The following SLC12A6 variants were observed in gnomAD, a reference collection of about 807,000 sequenced individuals.
The protein encoded by SLC12A6 is K-Cl cotransporter 3.
In SLC12A6, 66 loss-of-function variants were observed where a neutral mutation model predicts 135.3. The observed-to-expected ratio is 0.49, with a 90% CI of 0.40 to 0.60. The LOEUF is 0.60. Among genes scored for constraint, SLC12A6 ranks in the 20% least tolerant of loss-of-function variants. SLC12A6 has a pLI of 0.00. For synonymous variants in SLC12A6, 513 were observed against 508.8 expected (o/e 1.01, Z -0.11); for missense variants, 1,058 against 1,452.3 (o/e 0.73, Z 4.41).
intron 22 of SLC12A6, chr15:34,237,036 CAT>C: frequency 1.1e-5 from 6 of 549,062 alleles, no homozygotes; most frequent in Non-Finnish European, 2.0e-5. Context: ...CTAACCAAGA[CAT>C]GTGTTGCCTT....
intron 20 of SLC12A6, 165 bp downstream of exon 20, chr15:34,238,800 G>C (rs1891448577): frequency 1.3e-6 from 1 of 742,112 alleles, no homozygotes; most frequent in East Asian, 2.4e-5. Flanking sequence ...AAGCTGAAGG[G>C]GGTAGGTAGA....
chr15:34,262,735 A>G (rs879339779), intron 3 of SLC12A6, among the ~76,000 whole-genome samples: 12 of 152,276 alleles, frequency 7.9e-5, no homozygotes, highest in South Asian at 4.1e-4. Flanking sequence ...TCAGTGTGAC[A>G]TGCCTGGTCC....
At chr15:34,234,868 G>T (rs558866726) in intron 25 of SLC12A6, among the ~76,000 whole-genome samples, 1 of 152,286 alleles carries the variant, frequency 6.6e-6, no homozygotes, top group Admixed American at 6.5e-5. Flanking sequence ...TGCAAAGCGG[G>T]TAGAACCTAA....
chr15:34,259,211 G>A (rs959604057), intron 4 of SLC12A6, among the ~76,000 whole-genome samples: 1 of 152,018 alleles, frequency 6.6e-6, no homozygotes, highest in South Asian at 2.1e-4. Context: ...GTGGTGGCAC[G>A]TGCCTGTAAT....
At chr15:34,301,742 T>C (rs7175327) in intron 2 of SLC12A6, among the ~76,000 whole-genome samples, 5,969 of 148,736 alleles carry the variant, frequency 0.04, 219 homozygotes, top group African/African-American at 0.099. Context: ...GTAATCCCAG[T>C]GCTTTGGGAG....
chr15:34,275,914 T>A (rs1894266181), intron 2 of SLC12A6, among the ~76,000 whole-genome samples: 1 of 152,142 alleles, frequency 6.6e-6, no homozygotes, highest in Non-Finnish European at 1.5e-5. Context: ...GGCAAATTTA[T>A]GGAGATGGAA....
chr15:34,232,995 GATTA>G lies in SLC12A6; in HGVS notation c.*882_*885del, dbSNP rs1334989595. Reference sequence around the variant, plus strand: ...GGGGGCGGGGGGAGAAGAACCTGTTGATTAATGTGCACCATGACCTGCATTTCTT... The same window carrying G: ...GGGGGCGGGGGGAGAAGAACCTGTTGATGTGCACCATGACCTGCATTTCTT... On this transcript the variant is annotated 3_prime_UTR_variant, in exon 26 of 26. Coordinates refer to ENST00000354181, the MANE Select transcript of SLC12A6 (RefSeq NM_001365088.1). 2.0e-5 allele frequency: 3 copies of G among 151,998 alleles called. No individual in the cohort carries two copies. The highest frequency in any genetic ancestry group is 7.3e-5 in the African/African-American group (3 of 41,360). The allele number at this position is 151,998 out of a possible 1,614,324, so 9.4% of individuals were successfully genotyped here.
intron 8 of SLC12A6, among the ~76,000 whole-genome samples, 178 bp from the exon 9 acceptor site, chr15:34,254,767 T>C (rs1289846632): frequency 1.3e-4 from 1 of 7,844 alleles, no homozygotes; most frequent in Non-Finnish European, 8.8e-3. Context: ...TGTCATGGAT[T>C]TTTTTTTTTT....
At chr15:34,322,999 A>G (rs1889214198) in intron 2 of SLC12A6, among the ~76,000 whole-genome samples, 2 of 143,310 alleles carry the variant, frequency 1.4e-5, no homozygotes, top group Non-Finnish European at 3.0e-5. Flanking sequence ...AAAAAAAAAA[A>G]AAAAGGAAAG....
chr15:34,266,941 C>G (rs555866041), intron 3 of SLC12A6, among the ~76,000 whole-genome samples: 6 of 152,180 alleles, frequency 3.9e-5, no homozygotes, highest in African/African-American at 1.4e-4. Context: ...AGGGTTCTAA[C>G]ATCTTTTTAT....
Position 34,229,868 on chromosome 15 carries a change from A to C in SLC12A6, c.*4013T>G. 1.6e-6 allele frequency: 2 copies of C among 1,274,488 alleles called. No homozygotes were observed. The highest frequency in any genetic ancestry group is 2.3e-6 in the Non-Finnish European group (2 of 871,552). The allele number at this position is 1,274,488 out of a possible 1,614,324, so 78.9% of individuals were successfully genotyped here. On this transcript the variant is annotated 3_prime_UTR_variant, in exon 26 of 26. Coordinates refer to ENST00000354181, the MANE Select transcript of SLC12A6 (RefSeq NM_001365088.1). ...TTTAAGCCCAGTGGCTCCTCAGCAT[A>C]CTCTTAAACTAATCACTTATGTTAA...
At chr15:34,268,665 G>A (rs1213428185) in intron 3 of SLC12A6, among the ~76,000 whole-genome samples, 1 of 152,056 alleles carries the variant, frequency 6.6e-6, no homozygotes, top group Non-Finnish European at 1.5e-5. Context: ...CAGATGGAAT[G>A]GAACTTCTAG....
intron 13 of SLC12A6, among the ~76,000 whole-genome samples, chr15:34,248,863 G>A (rs544697427): frequency 7.2e-5 from 11 of 152,306 alleles, no homozygotes; most frequent in African/African-American, 2.6e-4. Flanking sequence ...CTAAGAGGAT[G>A]AATATGAGTT....
chr15:34,299,905 C>G (rs938110197), intron 2 of SLC12A6, among the ~76,000 whole-genome samples: 1 of 152,036 alleles, frequency 6.6e-6, no homozygotes, highest in African/African-American at 2.4e-5. Flanking sequence ...AAAAATTCCT[C>G]TGGTAATTAC....
At chr15:34,235,054 T>A in intron 25 of SLC12A6, 127 bp downstream of exon 25, 1 of 919,452 alleles carries the variant, frequency 1.1e-6, no homozygotes. Flanking sequence ...TGCCTAGGAC[T>A]TTTAAGTCTC....
rs557969844 is a variant in SLC12A6, at chr15:34,319,024, C to T, written c.271+17386G>A. Reference sequence around the variant, plus strand: ...GAATTCACAGTGAACTACTGTCTACCGCTTGCTCCTCTATTTCCTTCACTG... The same window carrying T: ...GAATTCACAGTGAACTACTGTCTACTGCTTGCTCCTCTATTTCCTTCACTG... On this transcript the variant is annotated intron_variant, in intron 2 of 25. Coordinates refer to ENST00000354181, the MANE Select transcript of SLC12A6 (RefSeq NM_001365088.1). Among the ~76,000 whole-genome samples, 186 of 152,140 alleles carry T rather than the reference C, an allele frequency of 1.2e-3. 8 individuals carry two copies. The highest frequency in any genetic ancestry group is 9.6e-4 in the Non-Finnish European group (65 of 68,036).
intron 21 of SLC12A6, among the ~76,000 whole-genome samples, chr15:34,237,927 C>T (rs1038241541): frequency 2.6e-5 from 4 of 152,186 alleles, no homozygotes; most frequent in African/African-American, 7.2e-5. Context: ...GCAATACACA[C>T]ATATACATAT....
chr15:34,267,145 G>A (rs1893579693), intron 3 of SLC12A6, among the ~76,000 whole-genome samples: 1 of 150,858 alleles, frequency 6.6e-6, no homozygotes. Flanking sequence ...ACATCCTCCT[G>A]AACAACACGA....
chr15:34,316,398 T>C (rs1465066888), intron 2 of SLC12A6, among the ~76,000 whole-genome samples: 1 of 152,154 alleles, frequency 6.6e-6, no homozygotes, highest in African/African-American at 2.4e-5. Flanking sequence ...CTCCTAGGTT[T>C]AAAAAAACAA....
Sources: allele counts gnomAD v4.1 joint callset (sites outside exome capture counted in the v4.1 genomes callset), GRCh38; gene constraint gnomAD v4.1.1; transcripts MANE v1.5; gene names NCBI Gene and HGNC (gene_info 2026-07-23, HGNC 2026-07-21).